Variants in CD44 observed in about 807,000 individuals in gnomAD.
The protein encoded by CD44 is CD44 antigen.
Under a neutral mutation model 88.8 loss-of-function variants are expected in CD44, and 49 were observed. The observed-to-expected ratio is 0.55, with a 90% confidence interval of 0.44 to 0.70. The LOEUF (loss-of-function observed/expected upper bound fraction) is 0.70, where lower values mean the gene tolerates loss of function less well. Ranked by LOEUF, CD44 falls within the 30% of genes least tolerant of loss-of-function variation. The pLI, the probability that CD44 is intolerant of heterozygous loss-of-function variation, is 0.00. For missense variants in CD44, 883 were observed against 913.8 expected, an observed-to-expected ratio of 0.97 and a Z score of 0.43; for synonymous variants, 325 against 312.3, an observed-to-expected ratio of 1.04 and a Z score of -0.43.
intron 1 of CD44, among the ~76,000 whole-genome samples, chr11:35,142,561 C>T (rs2553808): frequency 0.74 from 113,028 of 152,032 alleles, 42,631 homozygotes; most frequent in African/African-American, 0.86. Flanking sequence ...ACTCCGCCCC[C>T]TGCTGGGAGT....
intron 2 of CD44, 105 bp from the exon 3 acceptor site, chr11:35,180,169 T>A (rs1350096881): frequency 8.8e-7 from 1 of 1,132,546 alleles, no homozygotes; most frequent in African/African-American, 1.5e-5. Flanking sequence ...TCCCTAGGGG[T>A]GAACTGAATG....
chr11:35,142,276 AT>A (rs1185227410), intron 1 of CD44, among the ~76,000 whole-genome samples: 30 of 152,122 alleles, frequency 2.0e-4, no homozygotes, highest in Non-Finnish European at 5.9e-5. Flanking sequence ...TAGAAATACC[AT>A]TTGACCCAGC....
intron 4 of CD44, 55 bp from the exon 5 acceptor site, chr11:35,189,780 C>A: frequency 8.5e-7 from 1 of 1,172,418 alleles, no homozygotes; most frequent in Non-Finnish European, 1.3e-6. Context: ...AACGCTAATC[C>A]ACATACTCAA....
At chr11:35,139,582 G>A (rs750830784) in intron 1 of CD44, 2 of 763,178 alleles carry the variant, frequency 2.6e-6, no homozygotes, top group Non-Finnish European at 4.8e-6. Context: ...AAGAAAAAGA[G>A]AAAGAGAAGA....
chr11:35,166,895 C>T (rs149265840), intron 1 of CD44, among the ~76,000 whole-genome samples: 16 of 152,364 alleles, frequency 1.1e-4, no homozygotes, highest in East Asian at 7.7e-4. Flanking sequence ...AAAGGCGATT[C>T]GGCCACCAAG....
intron 5 of CD44, among the ~76,000 whole-genome samples, chr11:35,191,703 A>G (rs1272035403): frequency 2.0e-5 from 3 of 152,216 alleles, no homozygotes; most frequent in Non-Finnish European, 4.4e-5. Context: ...ACTTGGGACT[A>G]TATGTAGTTA....
Position 35,180,681 on chromosome 11 carries a change from A to G in CD44, c.367+274A>G, listed in dbSNP as rs563733039. Among the ~76,000 whole-genome samples, 6 of 152,334 alleles carry G rather than the reference A, an allele frequency of 3.9e-5. 1 individual carries two copies. Among genetic ancestry groups the G allele is most frequent in the African/African-American group, 1.2e-4 (5 of 41,566 alleles). On this transcript the variant is annotated intron_variant, in intron 3 of 17. Transcript: ENST00000428726. ...GGAGAAGAATTGTCTTGGGCCCCAC[A>G]TAAATTACACTAAAACTAAGAGTAG...
intron 2 of CD44, among the ~76,000 whole-genome samples, chr11:35,177,387 T>G (rs1944574755): frequency 6.6e-6 from 1 of 152,244 alleles, no homozygotes; most frequent in South Asian, 2.1e-4. Flanking sequence ...CTTTATTTTT[T>G]GAATTTCCAA....
chr11:35,209,505 T>G (rs1948199871), intron 12 of CD44, among the ~76,000 whole-genome samples: 1 of 152,232 alleles, frequency 6.6e-6, no homozygotes, highest in Non-Finnish European at 1.5e-5. Context: ...TTTTCTTTTG[T>G]GGTTACAACT....
At chr11:35,223,322 T>C (rs1349522958) in intron 17 of CD44, 18 of 982,322 alleles carry the variant, frequency 1.8e-5, no homozygotes, top group Non-Finnish European at 2.1e-5. Flanking sequence ...GAATTTCCTA[T>C]TGTGTGCAAT....
intron 1 of CD44, among the ~76,000 whole-genome samples, chr11:35,146,167 G>T (rs1248312822): frequency 6.6e-6 from 1 of 152,174 alleles, no homozygotes; most frequent in African/African-American, 2.4e-5. Flanking sequence ...CCTGCGAAGT[G>T]CAAGTGTGGG....
Position 35,231,363 on chromosome 11 carries a change from C to T in CD44, c.*2030C>T, listed in dbSNP as rs943540337. On this transcript the variant is annotated 3_prime_UTR_variant, in exon 18 of 18. Coordinates refer to ENST00000428726, the MANE Select transcript of CD44 (RefSeq NM_000610.4). ...AGGACAAGGTTCAAAATGGTTACAA[C>T]AGCCTCTACCTGTCGCCCCAGGGAG... is the stretch of plus-strand genomic sequence containing the variant. 1.3e-5 allele frequency: 2 copies of T among 152,192 alleles called. No homozygotes were observed. The highest frequency in any genetic ancestry group is 4.8e-5 in the African/African-American group (2 of 41,450). 9.4% of individuals were successfully genotyped at this position (152,192 alleles called of 1,614,324 possible).
At chr11:35,165,751 T>A (rs914529754) in intron 1 of CD44, among the ~76,000 whole-genome samples, 12 of 152,294 alleles carry the variant, frequency 7.9e-5, no homozygotes, top group Non-Finnish European at 1.3e-4. Flanking sequence ...TACAGGGAGT[T>A]ATTCAAGGTC....
At chr11:35,206,279 T>C (rs1042617596) in intron 11 of CD44, 36 bp downstream of exon 11, 11 of 1,562,996 alleles carry the variant, frequency 7.0e-6, no homozygotes, top group African/African-American at 1.4e-5. Context: ...ATTATGTTTT[T>C]TGAAATCCAC....
intron 2 of CD44, 167 bp downstream of exon 2, chr11:35,176,907 A>C: frequency 1.6e-6 from 1 of 625,504 alleles, no homozygotes; most frequent in Non-Finnish European, 2.7e-6. Context: ...TGACAACTGG[A>C]GTTTAAAGTC....
Position 35,229,233 on chromosome 11 carries a change from T to C in CD44, c.2129T>C (p.Val710Ala). 1 of 1,613,958 alleles carries C rather than the reference T, an allele frequency of 6.2e-7. No individual in the cohort carries two copies. Among genetic ancestry groups the C allele is most frequent in the Non-Finnish European group, 8.5e-7 (1 of 1,179,902 alleles). The change falls in exon 18 of 18, where the codon GTG becomes GCG. Residue 710 changes from valine to alanine, a missense_variant. Physicochemically the swap from Val to Ala is moderately conservative, Grantham distance 64. Around this residue, in one of 2 missense-constraint regions of CD44, gnomAD observed 631 missense variants for 590.9 expected, o/e 1.07. Coordinates refer to ENST00000428726, the MANE Select transcript of CD44 (RefSeq NM_000610.4). ...NGEASKSQEM[V>A]HLVNKESSET... ...GAGGCCAGCAAGTCTCAGGAAATGG[T>C]GCATTTGGTGAACAAGGAGTCGTCA...
chr11:35,181,818 A>T (rs1216822888), intron 3 of CD44, among the ~76,000 whole-genome samples: 1 of 109,386 alleles, frequency 9.1e-6, no homozygotes, highest in African/African-American at 3.6e-5. Context: ...TATATATTTA[A>T]ATATATATTA....
At chr11:35,140,896 C>G (rs1017639321) in intron 1 of CD44, among the ~76,000 whole-genome samples, 5 of 151,978 alleles carry the variant, frequency 3.3e-5, no homozygotes, top group Non-Finnish European at 5.9e-5. Flanking sequence ...TGGTGCACAC[C>G]TGTAGTCCCA....
intron 4 of CD44, among the ~76,000 whole-genome samples, chr11:35,188,362 G>A (rs1488495381): frequency 2.6e-5 from 4 of 152,226 alleles, no homozygotes; most frequent in Non-Finnish European, 4.4e-5. Flanking sequence ...CTCACCATGT[G>A]TGAGATTTTA....
Sources: gnomAD v4.1 joint callset for allele counts (sites outside exome capture counted in the v4.1 genomes callset) on GRCh38, gnomAD v4.1.1 for gene constraint, gnomAD v4.1.1 regional missense constraint, MANE v1.5 for transcripts, NCBI Gene and HGNC (gene_info 2026-07-23, HGNC 2026-07-21) for gene names.